Variants in HMGCS1 observed in about 807,000 individuals in gnomAD.
HMGCS1 encodes the protein hydroxymethylglutaryl-CoA synthase, cytoplasmic.
HMGCS1 carries 9 observed loss-of-function variants against 52.3 expected under a neutral mutation model. That is an observed-to-expected ratio of 0.17 (90% CI 0.10 to 0.30). HMGCS1 has a LOEUF of 0.30. Ranked by LOEUF, HMGCS1 falls within the 10% of genes least tolerant of loss-of-function variation. The pLI is 1.00. For missense variants in HMGCS1, 320 were observed against 620.9 expected (o/e 0.52, Z 5.15); for synonymous variants, 176 against 214.4 (o/e 0.82, Z 1.57).
chr5:43,306,075 C>G (rs1754559316), intron 2 of HMGCS1, among the ~76,000 whole-genome samples: 1 of 152,080 alleles, frequency 6.6e-6, no homozygotes, highest in East Asian at 1.9e-4. Context: ...TTCAAGTCTT[C>G]CAACAAAGTA....
intron 2 of HMGCS1, among the ~76,000 whole-genome samples, chr5:43,300,407 T>A (rs1451810834): frequency 1.2e-4 from 18 of 152,172 alleles, no homozygotes; most frequent in Admixed American, 1.2e-3. Context: ...TCTGTATGAC[T>A]TGTTTGTCAA....
intron 1 of HMGCS1, among the ~76,000 whole-genome samples, chr5:43,309,360 C>T (rs1034269769): frequency 1.3e-5 from 2 of 151,928 alleles, no homozygotes; most frequent in Non-Finnish European, 2.9e-5. Flanking sequence ...TGTCTCAGAC[C>T]CCGCAAGTAG....
intron 5 of HMGCS1, 139 bp from the exon 6 acceptor site, chr5:43,296,056 C>G: frequency 1.7e-6 from 1 of 584,112 alleles, no homozygotes; most frequent in East Asian, 2.8e-5. Context: ...CCTCTCTATA[C>G]CTTAAAGTAT....
chr5:43,292,038 G>A (rs1177347560), intron 10 of HMGCS1, among the ~76,000 whole-genome samples: 1 of 131,460 alleles, frequency 7.6e-6, no homozygotes, highest in East Asian at 2.1e-4. Context: ...CTGTCGCCAG[G>A]CTGGAGTGCA....
At chr5:43,302,458 C>G (rs1441341814) in intron 2 of HMGCS1, among the ~76,000 whole-genome samples, 1 of 152,148 alleles carries the variant, frequency 6.6e-6, no homozygotes, top group African/African-American at 2.4e-5. Context: ...TCTAAATTAC[C>G]TTTTGCATTT....
In HMGCS1 at chr5:43,294,803, C is replaced by A; in HGVS notation, c.964G>T (p.Ala322Ser). Residue 322 changes from alanine to serine, a missense_variant, in exon 7 of 11, where the codon GCT becomes TCT. Physicochemically the swap from Ala to Ser is moderately conservative, Grantham distance 99. This residue lies in a region of HMGCS1 where 213 missense variants were observed against 337.4 expected (regional missense o/e 0.63). Coordinates refer to ENST00000325110, the MANE Select transcript of HMGCS1 (RefSeq NM_001098272.3). ...TTCTGACTGAAGAGTTCAGAGCTAGCCTTCATAAATGCCTTCTCCACATCT... is the reference window on the plus strand; with the variant it reads ...TTCTGACTGAAGAGTTCAGAGCTAGACTTCATAAATGCCTTCTCCACATCT... ...DRDVEKAFMKASSELFSQKTK... is the reference protein window; with the variant it reads ...DRDVEKAFMKSSSELFSQKTK... 10 of 1,611,436 alleles carry A rather than the reference C, an allele frequency of 6.2e-6. No homozygotes were observed. The highest frequency in any genetic ancestry group is 7.6e-6 in the Non-Finnish European group (9 of 1,177,992).
intron 5 of HMGCS1, 120 bp from the exon 6 acceptor site, chr5:43,296,037 A>G (rs1754016982): frequency 1.5e-6 from 1 of 655,514 alleles, no homozygotes; most frequent in African/African-American, 1.8e-5. Context: ...AATACACTGT[A>G]TAATGAAACC....
chr5:43,308,590 T>C (rs1346127543), intron 1 of HMGCS1, among the ~76,000 whole-genome samples: 1 of 152,244 alleles, frequency 6.6e-6, no homozygotes, highest in Non-Finnish European at 1.5e-5. Flanking sequence ...CATTATTATG[T>C]AAATTAAGTA....
Position 43,292,912 on chromosome 5 carries a change from T to C in HMGCS1, c.1245A>G (p.Arg415=), listed in dbSNP as rs763689160. 1 of 1,610,886 alleles carries C rather than the reference T, an allele frequency of 6.2e-7. No individual in the cohort carries two copies. The highest frequency in any genetic ancestry group is 1.1e-5 in the South Asian group (1 of 90,156). ...LCDLKSRLDS[R]TGVAPDVFAE... The stretch of plus-strand genomic sequence containing the variant: ...CGAAGACATCTGGTGCCACACCAGT[T>C]CTTGAATCAAGCCTTGATTTAAGAT... Residue 415 remains arginine, a synonymous_variant, in exon 9 of 11, where the codon AGA becomes AGG. Coordinates refer to ENST00000325110, the MANE Select transcript of HMGCS1 (RefSeq NM_001098272.3).
rs545897589 is a variant in HMGCS1 at position 43,298,363 on chromosome 5, G to A, written c.448+155C>T. 111 of 674,616 alleles carry A rather than the reference G, an allele frequency of 1.6e-4. No individual in the cohort carries two copies. The African/African-American group carries it at 1.9e-3, about 11-fold the overall frequency. The allele number at this position is 674,616 out of a possible 1,614,324, so 41.8% of individuals were successfully genotyped here. ...AGATAAGATAACCAATTCACAATTCGGATAATGACAGACAGGTAAAATATC... is the reference window on the plus strand; with the variant it reads ...AGATAAGATAACCAATTCACAATTCAGATAATGACAGACAGGTAAAATATC... On this transcript the variant is annotated intron_variant, in intron 3 of 10. Coordinates refer to ENST00000325110, the MANE Select transcript of HMGCS1 (RefSeq NM_001098272.3). The surrounding 1 kb of genome is among the most constrained non-coding windows in gnomAD (Gnocchi z 5.6).
chr5:43,292,477 A>T lies in HMGCS1; in HGVS notation c.1470T>A (p.Thr490=). Reference sequence around the variant, plus strand: ...AGATGGGAACTCTTTTATTTACCTCAGTTGCTATGTTTGAATGCACAAGTC... The same window carrying T: ...AGATGGGAACTCTTTTATTTACCTCTGTTGCTATGTTTGAATGCACAAGTC... ...GVGLVHSNIA[T]EHIPSPAKKV... The change falls in exon 10 of 11, where the codon ACT becomes ACA. Residue 490 remains threonine, a synonymous_variant. Coordinates refer to ENST00000325110, the MANE Select transcript of HMGCS1 (RefSeq NM_001098272.3). 6.2e-7 allele frequency: 1 copy of T among 1,613,372 alleles called. No homozygotes were observed. Among genetic ancestry groups the T allele is most frequent in the Non-Finnish European group, 8.5e-7 (1 of 1,179,422 alleles).
chr5:43,292,260 G>A (rs2111628971), intron 10 of HMGCS1, among the ~76,000 whole-genome samples: 1 of 151,840 alleles, frequency 6.6e-6, no homozygotes, highest in Non-Finnish European at 1.5e-5. Flanking sequence ...CAAAGTGCTG[G>A]GATTACAGGC....
intron 1 of HMGCS1, among the ~76,000 whole-genome samples, chr5:43,308,839 C>G (rs1403480125): frequency 6.6e-6 from 1 of 151,972 alleles, no homozygotes; most frequent in Non-Finnish European, 1.5e-5. Context: ...AATTTAAGAG[C>G]TCTTCAGTCG....
rs1043538847 is a variant in HMGCS1 at position 43,288,216 on chromosome 5, T to A, written c.*2915A>T. On this transcript the variant is annotated 3_prime_UTR_variant, in exon 11 of 11. Transcript: ENST00000325110. ...CATCTGAGGATTTCTAATCATAATCTTCAGCATCAAATTACTGCCTTTATA... is the reference window on the plus strand; with the variant it reads ...CATCTGAGGATTTCTAATCATAATCATCAGCATCAAATTACTGCCTTTATA... 1 of 152,218 alleles carries A rather than the reference T, an allele frequency of 6.6e-6. No individual in the cohort carries two copies. The highest frequency in any genetic ancestry group is 2.4e-5 in the African/African-American group (1 of 41,452). 9.4% of individuals were successfully genotyped at this position (152,218 alleles called of 1,614,324 possible).
In HMGCS1 at chr5:43,292,673, T is replaced by A. The variant is rs751295681; in HGVS notation, c.1310-36A>T. On this transcript the variant is annotated intron_variant, in intron 9 of 10. Transcript: ENST00000325110. ...GGGAGAGAATATCTACAATTAGTTA[T>A]GATATACAATTCATCTGGTAATAAA... 5 of 1,567,858 alleles carry A rather than the reference T, an allele frequency of 3.2e-6. No individual in the cohort carries two copies. In the African/African-American group the frequency reaches 5.4e-5, roughly 17 times the overall value.
Position 43,290,089 on chromosome 5 carries a change from T to C in HMGCS1, c.*1042A>G, listed in dbSNP as rs973420223. 8.1e-6 allele frequency: 1 copy of C among 123,504 alleles called. No individual in the cohort carries two copies. Among genetic ancestry groups the C allele is most frequent in the East Asian group, 2.3e-4 (1 of 4,410 alleles). The allele number at this position is 123,504 out of a possible 1,614,324, so 7.7% of individuals were successfully genotyped here. ...TCATACCTTATTTTCATTGAACAGA[T>C]ACCAAAAAAAAAAAAAAAAGGAAAA... On this transcript the variant is annotated 3_prime_UTR_variant, in exon 11 of 11. Coordinates refer to ENST00000325110, the MANE Select transcript of HMGCS1 (RefSeq NM_001098272.3).
At chr5:43,296,508 TTA>T (rs1491198333) in intron 5 of HMGCS1, among the ~76,000 whole-genome samples, 1 of 152,218 alleles carries the variant, frequency 6.6e-6, no homozygotes, top group East Asian at 1.9e-4. Context: ...TAATAATGTG[TTA>T]TGATAGCATT....
At chr5:43,291,536 G>A (rs1753768047) in intron 10 of HMGCS1, among the ~76,000 whole-genome samples, 1 of 151,958 alleles carries the variant, frequency 6.6e-6, no homozygotes, top group South Asian at 2.1e-4. Flanking sequence ...TACCTAATTT[G>A]TATAATAGCA....
chr5:43,291,230 A>G lies in HMGCS1; in HGVS notation c.1474-10T>C. ...CAGGGCTTGGAATATGCTAAAATGA[A>G]AGGAAAAAAGTTGATGGCTCTTATG... On this transcript the variant is annotated splice_polypyrimidine_tract_variant and intron_variant, in intron 10 of 10. Coordinates refer to ENST00000325110, the MANE Select transcript of HMGCS1 (RefSeq NM_001098272.3). 5 of 1,558,436 alleles carry G rather than the reference A, an allele frequency of 3.2e-6. No individual in the cohort carries two copies. The highest frequency in any genetic ancestry group is 4.4e-6 in the Non-Finnish European group (5 of 1,129,288).
Sources: allele counts gnomAD v4.1 joint callset (sites outside exome capture counted in the v4.1 genomes callset), GRCh38; gene constraint gnomAD v4.1.1; regional missense constraint gnomAD v4.1.1; non-coding constraint Gnocchi (gnomAD v3.1); transcripts MANE v1.5; gene names NCBI Gene and HGNC (gene_info 2026-07-23, HGNC 2026-07-21).